USP34: variants seen among roughly 807,000 people sequenced by gnomAD.
USP34 encodes the protein ubiquitin specific peptidase 34, also known as ubiquitin carboxyl-terminal hydrolase 34.
USP34 carries 70 observed loss-of-function variants against 460.3 expected under a neutral mutation model. The observed-to-expected ratio is 0.15, with a 90% CI of 0.13 to 0.19. The LOEUF is 0.19. USP34 is among the 10% of genes least tolerant of loss of function. USP34 has a pLI of 1.00. For synonymous variants in USP34, 1,647 were observed against 1,405.3 expected (o/e 1.17, Z -3.85); for missense variants, 3,985 against 4,236.2 (o/e 0.94, Z 1.65).
chr2:61,426,617 C>T (rs898590573), intron 1 of USP34, among the ~76,000 whole-genome samples: 5 of 152,228 alleles, frequency 3.3e-5, no homozygotes, highest in African/African-American at 9.6e-5. Context: ...TCTGGACCCA[C>T]CTGGGGTCTA....
chr2:61,406,693 A>G (rs867365117), intron 2 of USP34, among the ~76,000 whole-genome samples: 1 of 132,900 alleles, frequency 7.5e-6, no homozygotes, highest in African/African-American at 2.8e-5. Context: ...AAAAAAATAT[A>G]TGTGTATTTA....
At chr2:61,273,747 T>G (rs958269898) in intron 41 of USP34, among the ~76,000 whole-genome samples, 5 of 152,082 alleles carry the variant, frequency 3.3e-5, no homozygotes, top group African/African-American at 1.2e-4. Flanking sequence ...CTCTACAGGA[T>G]ATTAAATCTA....
chr2:61,264,484 T>A (rs1442420367), intron 43 of USP34, among the ~76,000 whole-genome samples: 1 of 148,976 alleles, frequency 6.7e-6, no homozygotes, highest in Admixed American at 6.7e-5. Flanking sequence ...AAAGTAAAAG[T>A]AAAAAACTCC....
chr2:61,260,576 T>C lies in USP34; in HGVS notation c.5779-800A>G, dbSNP rs143524089. On this transcript the variant is annotated intron_variant, in intron 43 of 79. Coordinates refer to ENST00000398571, the MANE Select transcript of USP34 (RefSeq NM_014709.4). ...TGCTGTTTAGCAGCTTATAATCAAA[T>C]TGAAGTCAAGATATGGACTAAAACA... is the stretch of plus-strand genomic sequence containing the variant. Among the ~76,000 whole-genome samples, 240 of 152,264 alleles carry C rather than the reference T, an allele frequency of 1.6e-3. 1 individual carries two copies. Among genetic ancestry groups the C allele is most frequent in the Middle Eastern group, 3.4e-3 (1 of 294 alleles).
In USP34 at chr2:61,296,853, G is replaced by T. The variant is rs1690044517; in HGVS notation, c.4201C>A (p.Leu1401Ile). The T allele has an allele frequency of 6.2e-7, 1 of 1,613,920 alleles. No homozygotes were observed. Among genetic ancestry groups the T allele is most frequent in the Non-Finnish European group, 8.5e-7 (1 of 1,179,896 alleles). ...ATCAACATATTAGGACATGTAGGAA[G>T]AAGCATCAGTAGCTCCCAGACCCGC... ...SRRVWELLMLLPTCPNMLMAF... is the reference protein window; with the variant it reads ...SRRVWELLMLIPTCPNMLMAF... Residue 1401 changes from leucine to isoleucine, a missense_variant, in exon 30 of 80, where the codon CTT (leucine) becomes ATT (isoleucine). Leu to Ile is a conservative substitution (Grantham distance 5). Transcript: ENST00000398571.
intron 5 of USP34, among the ~76,000 whole-genome samples, chr2:61,386,635 A>G (rs1409753527): frequency 6.6e-6 from 1 of 151,966 alleles, no homozygotes; most frequent in Non-Finnish European, 1.5e-5. Context: ...CTAAAAATAC[A>G]AAAAATTAGC....
chr2:61,348,575 C>A, intron 14 of USP34, 95 bp from the exon 15 acceptor site: 1 of 1,483,130 alleles, frequency 6.7e-7, no homozygotes, highest in South Asian at 1.4e-5. Flanking sequence ...AAAAGGCTGC[C>A]AGTCTTGTTA....
chr2:61,278,506 T>C (rs541547627), intron 39 of USP34, 63 bp from the exon 40 acceptor site: 1 of 1,268,130 alleles, frequency 7.9e-7, no homozygotes, highest in African/African-American at 1.5e-5. Flanking sequence ...AAACATAAAA[T>C]TATTAAAATC....
At chr2:61,384,424 C>A (rs1328127773) in intron 5 of USP34, among the ~76,000 whole-genome samples, 1 of 152,104 alleles carries the variant, frequency 6.6e-6, no homozygotes, top group Non-Finnish European at 1.5e-5. Flanking sequence ...AATCCCAGCA[C>A]TCTGGGAGAT....
chr2:61,221,639 T>A, intron 65 of USP34, 33 bp from the exon 66 acceptor site: 6 of 1,596,498 alleles, frequency 3.8e-6, no homozygotes, highest in Non-Finnish European at 5.1e-6. Flanking sequence ...TGTATTTAGA[T>A]CAATCTGAAC....
chr2:61,304,386 G>A (rs903242824), intron 27 of USP34, among the ~76,000 whole-genome samples: 1 of 152,178 alleles, frequency 6.6e-6, no homozygotes, highest in Non-Finnish European at 1.5e-5. Flanking sequence ...TTTGATATGA[G>A]ATAGGCCAAT....
intron 27 of USP34, among the ~76,000 whole-genome samples, chr2:61,307,348 G>T (rs975194040): frequency 3.3e-5 from 5 of 151,620 alleles, no homozygotes; most frequent in African/African-American, 4.8e-5. Flanking sequence ...ATAGCATTAG[G>T]AGATATACCT....
chr2:61,244,947 C>G (rs1688380847), intron 51 of USP34, among the ~76,000 whole-genome samples: 1 of 152,254 alleles, frequency 6.6e-6, no homozygotes, highest in South Asian at 2.1e-4. Flanking sequence ...CAATCTTATT[C>G]TCATGGCACT....
chr2:61,452,185 AAAAG>A (rs1695300057), intron 1 of USP34, among the ~76,000 whole-genome samples: 3 of 151,818 alleles, frequency 2.0e-5, no homozygotes, highest in Non-Finnish European at 2.9e-5. Context: ...AAAAAAAAAA[AAAAG>A]AAAGAAAAAG....
chr2:61,262,130 T>TATATATATAG (rs1349263790), intron 43 of USP34, among the ~76,000 whole-genome samples: 39 of 113,652 alleles, frequency 3.4e-4, no homozygotes, highest in African/African-American at 1.2e-3. Flanking sequence ...TATATATATA[T>TATATATATAG]ATAGATAGAT....
intron 5 of USP34, among the ~76,000 whole-genome samples, chr2:61,383,618 G>A (rs368923927): frequency 1.4e-4 from 21 of 151,916 alleles, no homozygotes; most frequent in Admixed American, 1.0e-3. Flanking sequence ...CAGGAGAATC[G>A]CTTGAACCCC....
intron 2 of USP34, among the ~76,000 whole-genome samples, chr2:61,407,784 G>A (rs1337276815): frequency 1.3e-5 from 2 of 152,146 alleles, no homozygotes; most frequent in African/African-American, 4.8e-5. Context: ...GCCTAAAGAG[G>A]AGACCACATG....
intron 43 of USP34, among the ~76,000 whole-genome samples, chr2:61,263,173 ATTTT>A (rs36015748): frequency 6.1e-5 from 6 of 97,768 alleles, no homozygotes; most frequent in African/African-American, 1.7e-4. Context: ...CACACATGGA[ATTTT>A]TTTTTTTTTT....
In USP34 at chr2:61,317,781, G is replaced by A. The variant is rs569751093; in HGVS notation, c.3169-14C>T. On this transcript the variant is annotated splice_polypyrimidine_tract_variant and intron_variant, in intron 22 of 79. Coordinates refer to ENST00000398571, the MANE Select transcript of USP34 (RefSeq NM_014709.4). ...TAGCTGGGGCATCTTTGGAAGGGTA[G>A]GGGGAAACACAAAGCTAATTTAGTG... is the stretch of plus-strand genomic sequence containing the variant. 7.6e-5 allele frequency: 121 copies of A among 1,596,634 alleles called. 1 individual carries two copies. The South Asian group carries it at 9.6e-4, about 13-fold the overall frequency.
Sources: allele counts gnomAD v4.1 joint callset (sites outside exome capture counted in the v4.1 genomes callset), GRCh38; gene constraint gnomAD v4.1.1; transcripts MANE v1.5; gene names NCBI Gene and HGNC (gene_info 2026-07-23, HGNC 2026-07-21).